The following SEMA3C variants were observed in gnomAD, a reference collection of about 807,000 sequenced individuals.
The protein encoded by SEMA3C is semaphorin 3C.
A neutral mutation model predicts 89.4 loss-of-function variants in SEMA3C; 47 were observed. The ratio of observed to expected loss-of-function variants is 0.53; its 90% CI spans 0.42 to 0.67. SEMA3C has a LOEUF of 0.67. Ranked by LOEUF, SEMA3C falls within the 30% of genes least tolerant of loss-of-function variation. SEMA3C has a pLI of 0.00. For synonymous variants in SEMA3C, 310 were observed against 320.2 expected (o/e 0.97, Z 0.34); for missense variants, 839 against 929.1 (o/e 0.90, Z 1.26).
intron 2 of SEMA3C, among the ~76,000 whole-genome samples, chr7:80,864,376 C>T (rs930653161): frequency 5.3e-5 from 8 of 151,204 alleles, no homozygotes; most frequent in Non-Finnish European, 1.0e-4. Context: ...TCACCTGTAC[C>T]GCAATAACTT....
chr7:80,801,321 C>T (rs188610589), intron 9 of SEMA3C, among the ~76,000 whole-genome samples: 13 of 152,114 alleles, frequency 8.5e-5, no homozygotes, highest in Admixed American at 5.2e-4. Flanking sequence ...AACTTTTTCA[C>T]GGTAACTCAT....
intron 2 of SEMA3C, among the ~76,000 whole-genome samples, chr7:80,903,936 T>G (rs2116210119): frequency 6.6e-6 from 1 of 152,286 alleles, no homozygotes; most frequent in East Asian, 1.9e-4. Context: ...TTCTTCATCT[T>G]TTAGAAAGTC....
At chr7:80,818,922 A>G (rs1460900250) in intron 4 of SEMA3C, among the ~76,000 whole-genome samples, 1 of 152,200 alleles carries the variant, frequency 6.6e-6, no homozygotes, top group Non-Finnish European at 1.5e-5. Flanking sequence ...ATTATTACAG[A>G]AACAGTCAGT....
At chr7:80,763,298 T>G (rs1396798615) in intron 13 of SEMA3C, among the ~76,000 whole-genome samples, 1 of 152,198 alleles carries the variant, frequency 6.6e-6, no homozygotes, top group Non-Finnish European at 1.5e-5. Flanking sequence ...TTTCCTCACA[T>G]GCTCATGACA....
At chr7:80,888,447 G>A (rs1048215720) in intron 2 of SEMA3C, among the ~76,000 whole-genome samples, 21 of 152,080 alleles carry the variant, frequency 1.4e-4, no homozygotes, top group Admixed American at 4.6e-4. Context: ...CTAGGTGATG[G>A]GAGTGAGACC....
chr7:80,872,530 G>A (rs190410701), intron 2 of SEMA3C, among the ~76,000 whole-genome samples: 50 of 152,056 alleles, frequency 3.3e-4, no homozygotes, highest in African/African-American at 1.1e-3. Context: ...TCGGCCGGGC[G>A]TGGTGGCTTA....
intron 2 of SEMA3C, among the ~76,000 whole-genome samples, chr7:80,840,337 T>C (rs1203873015): frequency 6.6e-6 from 1 of 151,698 alleles, no homozygotes; most frequent in African/African-American, 2.4e-5. Flanking sequence ...CTGGGCAACA[T>C]GGCAAGACCA....
At chr7:80,828,340 A>T (rs1789924820) in intron 3 of SEMA3C, among the ~76,000 whole-genome samples, 1 of 151,982 alleles carries the variant, frequency 6.6e-6, no homozygotes, top group Admixed American at 6.6e-5. Context: ...TTATATATTT[A>T]TACACAGGTA....
At chr7:80,894,698 T>G (rs1791692472) in intron 2 of SEMA3C, among the ~76,000 whole-genome samples, 2 of 152,176 alleles carry the variant, frequency 1.3e-5, no homozygotes, top group African/African-American at 4.8e-5. Flanking sequence ...GTCCCCAAAC[T>G]CTTGCAACTG....
chr7:80,804,732 G>A (rs1433719756), intron 7 of SEMA3C, among the ~76,000 whole-genome samples: 1 of 151,974 alleles, frequency 6.6e-6, no homozygotes, highest in African/African-American at 2.4e-5. Flanking sequence ...AGACATACAG[G>A]GTTTCCTTAT....
chr7:80,759,384 C>A (rs538102550), intron 14 of SEMA3C, among the ~76,000 whole-genome samples: 111 of 152,194 alleles, frequency 7.3e-4, no homozygotes, highest in African/African-American at 2.6e-3. Flanking sequence ...AAAATTAAAT[C>A]TCTGGAGACA....
At chr7:80,863,902 T>TATC (rs1790855129) in intron 2 of SEMA3C, among the ~76,000 whole-genome samples, 3 of 115,222 alleles carry the variant, frequency 2.6e-5, no homozygotes, top group East Asian at 4.8e-4. Context: ...ACACATATAT[T>TATC]ACATATATAT....
rs375608472 is a variant in SEMA3C at position 80,765,180 on chromosome 7, A to G, written c.1418T>C (p.Ile473Thr). Residue 473 changes from isoleucine (I) to threonine (T), a missense_variant, in exon 13 of 18, where the codon ATT (isoleucine) becomes ACT (threonine). Transcript: ENST00000265361. ...CTTAAAGACTTCCAGCTCCTCCAGA[A>G]TGAGCTCGCCACTGACAGAGTTGTT... is the stretch of plus-strand genomic sequence containing the variant. Reference protein sequence around the residue: ...PTNNSVSGELILEELEVFKNH... With the variant: ...PTNNSVSGELTLEELEVFKNH... 4.2e-5 allele frequency: 67 copies of G among 1,613,668 alleles called. No homozygotes were observed. Among genetic ancestry groups the G allele is most frequent in the Non-Finnish European group, 5.3e-5 (63 of 1,179,814 alleles).
chr7:80,754,680 G>A (rs1488552233), intron 15 of SEMA3C, among the ~76,000 whole-genome samples: 1 of 152,056 alleles, frequency 6.6e-6, no homozygotes, highest in Non-Finnish European at 1.5e-5. Context: ...AGATAAATAC[G>A]GGTAGGCTCA....
intron 12 of SEMA3C, among the ~76,000 whole-genome samples, chr7:80,775,777 T>C (rs1283835149): frequency 6.6e-6 from 1 of 152,152 alleles, no homozygotes; most frequent in African/African-American, 2.4e-5. Flanking sequence ...GCAAGTCATT[T>C]TACCTAATAT....
At chr7:80,886,003 T>C (rs1157507417) in intron 2 of SEMA3C, among the ~76,000 whole-genome samples, 1 of 152,222 alleles carries the variant, frequency 6.6e-6, no homozygotes, top group Non-Finnish European at 1.5e-5. Context: ...TTAGTTTCAG[T>C]TGTCCCCTTT....
At chr7:80,802,463 T>C (rs915666124) in intron 9 of SEMA3C, among the ~76,000 whole-genome samples, 1 of 152,154 alleles carries the variant, frequency 6.6e-6, no homozygotes, top group African/African-American at 2.4e-5. Context: ...ATGAGCTAAA[T>C]GTTTCAGCAG....
intron 15 of SEMA3C, among the ~76,000 whole-genome samples, chr7:80,757,593 T>C (rs547904491): frequency 2.6e-5 from 4 of 152,344 alleles, no homozygotes; most frequent in Non-Finnish European, 5.9e-5. Context: ...AAGATAATTA[T>C]ATTGTATCCT....
intron 2 of SEMA3C, among the ~76,000 whole-genome samples, chr7:80,837,836 G>T (rs1790168789): frequency 6.6e-6 from 1 of 152,054 alleles, no homozygotes; most frequent in Admixed American, 6.6e-5. Flanking sequence ...TTCTCTTGAA[G>T]GCTGCCTGGA....
Sources: allele counts gnomAD v4.1 joint callset (sites outside exome capture counted in the v4.1 genomes callset), GRCh38; gene constraint gnomAD v4.1.1; transcripts MANE v1.5; gene names NCBI Gene and HGNC (gene_info 2026-07-23, HGNC 2026-07-21).